Variants in MAPK10 observed in about 807,000 individuals in gnomAD.
MAPK10 encodes the protein JNK3 alpha protein kinase.
A neutral mutation model predicts 59.3 loss-of-function variants in MAPK10; 25 were observed. That is an observed-to-expected ratio of 0.42 (90% CI 0.31 to 0.59). The LOEUF is 0.59. MAPK10 is among the 20% of genes least tolerant of loss of function. The probability of loss-of-function intolerance (pLI) is 0.15; values close to 1 mark genes in which losing one functional copy is unlikely to be tolerated. For missense variants in MAPK10, 351 were observed against 568.9 expected, an observed-to-expected ratio of 0.62 and a Z score of 3.90; for synonymous variants, 190 against 200.5, an observed-to-expected ratio of 0.95 and a Z score of 0.44.
chr4:86,446,394 T>A (rs1321913319), intron 1 of MAPK10, among the ~76,000 whole-genome samples: 1 of 152,212 alleles, frequency 6.6e-6, no homozygotes, highest in Admixed American at 6.5e-5. Flanking sequence ...TTTATTTATT[T>A]ATTTTTTGAG....
At chr4:86,088,066 AC>A (rs1427069981) in intron 9 of MAPK10, among the ~76,000 whole-genome samples, 1 of 152,182 alleles carries the variant, frequency 6.6e-6, no homozygotes, top group African/African-American at 2.4e-5. Flanking sequence ...TTCATAAGTG[AC>A]TAAGTGTAGA....
chr4:86,338,652 C>T (rs7688651), intron 2 of MAPK10, among the ~76,000 whole-genome samples: 43,775 of 152,046 alleles, frequency 0.29, 6,847 homozygotes, highest in Non-Finnish European at 0.35. Flanking sequence ...AGCCTTTCCA[C>T]GGCTTGCTCT....
chr4:86,142,045 T>G (rs1191588354), intron 4 of MAPK10, among the ~76,000 whole-genome samples: 1 of 152,088 alleles, frequency 6.6e-6, no homozygotes, highest in African/African-American at 2.4e-5. Flanking sequence ...CTGCAAGAAT[T>G]AATCCAATCT....
At chr4:86,478,089 C>T (rs1252538794) in intron 1 of MAPK10, among the ~76,000 whole-genome samples, 1 of 152,216 alleles carries the variant, frequency 6.6e-6, no homozygotes, top group East Asian at 1.9e-4. Flanking sequence ...AACCCCACAC[C>T]TTCTACAAAA....
At chr4:86,450,077 C>G (rs1205855192) in intron 1 of MAPK10, among the ~76,000 whole-genome samples, 1 of 152,192 alleles carries the variant, frequency 6.6e-6, no homozygotes, top group Non-Finnish European at 1.5e-5. Flanking sequence ...CCTGAACTCC[C>G]AATCCACAGA....
At chr4:86,547,701 G>A (rs1016814468) in intron 1 of MAPK10, among the ~76,000 whole-genome samples, 1 of 152,204 alleles carries the variant, frequency 6.6e-6, no homozygotes, top group African/African-American at 2.4e-5. Context: ...GAAGCCAGCT[G>A]GGCTCCTGAG....
In MAPK10 at chr4:86,280,760, C is replaced by T. The variant is rs188162527; in HGVS notation, c.-7+73770G>A. ...ATATACACCATGGAATACTATGAAGCCATAAAAAAAAGAACAAAATCGTGT... is the reference window on the plus strand; with the variant it reads ...ATATACACCATGGAATACTATGAAGTCATAAAAAAAAGAACAAAATCGTGT... On this transcript the variant is annotated intron_variant, in intron 2 of 13. Transcript: ENST00000641462. Among the ~76,000 whole-genome samples, 247 of 152,020 alleles carry T rather than the reference C, an allele frequency of 1.6e-3. 1 individual carries two copies. The highest frequency in any genetic ancestry group is 5.8e-3 in the African/African-American group (239 of 41,454).
upstream of MAPK10, among the ~76,000 whole-genome samples, chr4:86,456,502 A>C (rs1751239275): frequency 6.6e-6 from 1 of 152,162 alleles, no homozygotes; most frequent in Admixed American, 6.5e-5. Flanking sequence ...AGAAATACAA[A>C]AGATCATTCA....
intron 2 of MAPK10, among the ~76,000 whole-genome samples, chr4:86,339,584 G>A (rs1294236512): frequency 1.3e-5 from 2 of 152,132 alleles, no homozygotes; most frequent in African/African-American, 4.8e-5. Context: ...CTTTATTGTT[G>A]TAGAGCATAA....
rs1051756085 is a variant in MAPK10 at position 86,421,519 on chromosome 4, C to T, written c.-122+31511G>A. 7.9e-5 allele frequency among the ~76,000 whole-genome samples: 12 copies of T among 152,220 alleles called. No homozygotes were observed. The South Asian group carries it at 2.5e-3, about 32-fold the overall frequency. On this transcript the variant is annotated intron_variant, in intron 1 of 13. Transcript: ENST00000361569. ...TGAGGATGATAAACTGTAGAGTCAT[C>T]CTCTTCATAGAGGAGGTAGCATCTG...
intron 2 of MAPK10, among the ~76,000 whole-genome samples, chr4:86,317,550 T>C (rs905500318): frequency 1.3e-5 from 2 of 152,246 alleles, no homozygotes; most frequent in African/African-American, 2.4e-5. Flanking sequence ...AAATCTACTA[T>C]AAATTCCTTT....
chr4:86,212,933 T>C (rs1448623723), intron 2 of MAPK10, among the ~76,000 whole-genome samples: 1 of 152,176 alleles, frequency 6.6e-6, no homozygotes, highest in Non-Finnish European at 1.5e-5. Context: ...ATATACAATA[T>C]TCTCAAGTGC....
chr4:86,123,312 G>A (rs950537972), intron 4 of MAPK10, among the ~76,000 whole-genome samples: 3 of 152,110 alleles, frequency 2.0e-5, no homozygotes, highest in African/African-American at 7.2e-5. Flanking sequence ...TGAACACTTA[G>A]ATTGATTTCT....
At chr4:86,480,623 T>C (rs1753531857) in intron 1 of MAPK10, among the ~76,000 whole-genome samples, 1 of 152,166 alleles carries the variant, frequency 6.6e-6, no homozygotes, top group Non-Finnish European at 1.5e-5. Flanking sequence ...ATGATAAAAT[T>C]TGTAGCCAAG....
upstream of MAPK10, among the ~76,000 whole-genome samples, chr4:86,457,217 G>T (rs1751317429): frequency 6.6e-6 from 1 of 152,176 alleles, no homozygotes; most frequent in Admixed American, 6.5e-5. Context: ...ATGGGGAAAA[G>T]TTGAAAGCAT....
Position 86,304,692 on chromosome 4 carries a change from G to A in MAPK10, c.-7+49838C>T, listed in dbSNP as rs143822109. Among the ~76,000 whole-genome samples, 1,044 of 152,160 alleles carry A rather than the reference G, an allele frequency of 6.9e-3. 14 individuals carry two copies. The highest frequency in any genetic ancestry group is 0.024 in the African/African-American group (985 of 41,530). The stretch of plus-strand genomic sequence containing the variant: ...CAGGCGTGAGCCACCGCGCCCAGCC[G>A]TATTTCTTAATTTAATATTAAATTT... On this transcript the variant is annotated intron_variant, in intron 2 of 13. Coordinates refer to ENST00000641462, the MANE Select transcript of MAPK10 (RefSeq NM_138982.4).
chr4:86,161,113 T>G (rs551780848), intron 3 of MAPK10, among the ~76,000 whole-genome samples: 52 of 152,114 alleles, frequency 3.4e-4, no homozygotes, highest in Non-Finnish European at 6.8e-4. Context: ...AACCTAAGAT[T>G]GCATCGGATA....
At chr4:86,096,089 T>C (rs2054169512) in intron 9 of MAPK10, among the ~76,000 whole-genome samples, 1 of 151,674 alleles carries the variant, frequency 6.6e-6, no homozygotes, top group Non-Finnish European at 1.5e-5. Context: ...CTGTACTATG[T>C]AATCATCACT....
At chr4:86,539,790 A>G (rs891773491) in intron 1 of MAPK10, among the ~76,000 whole-genome samples, 1 of 152,230 alleles carries the variant, frequency 6.6e-6, no homozygotes, top group Non-Finnish European at 1.5e-5. Flanking sequence ...CTGTCCCACT[A>G]AAATGCTTGT....
Sources: allele counts gnomAD v4.1 joint callset (sites outside exome capture counted in the v4.1 genomes callset), GRCh38; gene constraint gnomAD v4.1.1; transcripts MANE v1.5; gene names NCBI Gene and HGNC (gene_info 2026-07-23, HGNC 2026-07-21).